Variants in ADAMTS17 observed in about 807,000 individuals in gnomAD.
The protein encoded by ADAMTS17 is A disintegrin and metalloproteinase with thrombospondin motifs 17.
In ADAMTS17, 113 loss-of-function variants were observed where a neutral mutation model predicts 141.5. The observed-to-expected ratio is 0.80, with a 90% confidence interval of 0.69 to 0.93. The LOEUF (loss-of-function observed/expected upper bound fraction) is 0.93, where lower values mean the gene tolerates loss of function less well. Among genes scored for constraint, ADAMTS17 ranks in the 40% least tolerant of loss-of-function variants. The pLI is 0.00. For missense variants in ADAMTS17, 1,659 were observed against 1,517.9 expected (o/e 1.09, Z -1.54); for synonymous variants, 768 against 630.6 (o/e 1.22, Z -3.27).
At chr15:100,093,580 G>A (rs1189287694) in intron 15 of ADAMTS17, among the ~76,000 whole-genome samples, 1 of 152,044 alleles carries the variant, frequency 6.6e-6, no homozygotes, top group African/African-American at 2.4e-5. Context: ...GGTCTCGCAA[G>A]GATATGTTTC....
At chr15:100,162,997 T>C (rs1184355046) in intron 8 of ADAMTS17, among the ~76,000 whole-genome samples, 1 of 143,252 alleles carries the variant, frequency 7.0e-6, no homozygotes, top group African/African-American at 2.7e-5. Flanking sequence ...TAACTATATA[T>C]GTATATATGT....
At chr15:99,975,974 C>A in intron 21 of ADAMTS17, 71 bp downstream of exon 21, 5 of 1,476,538 alleles carry the variant, frequency 3.4e-6, no homozygotes, top group Non-Finnish European at 4.5e-6. Flanking sequence ...AAGAACCTCA[C>A]CGTCAGGGAG....
At chr15:100,065,496 C>G (rs555395432) in intron 15 of ADAMTS17, among the ~76,000 whole-genome samples, 1 of 152,174 alleles carries the variant, frequency 6.6e-6, no homozygotes, top group East Asian at 1.9e-4. Context: ...TATGACAGTT[C>G]TGTTTCTTCC....
intron 18 of ADAMTS17, among the ~76,000 whole-genome samples, chr15:100,029,037 A>G (rs1382294758): frequency 6.6e-6 from 1 of 152,182 alleles, no homozygotes; most frequent in Non-Finnish European, 1.5e-5. Context: ...CTAAGGCTCC[A>G]AACTGTTTCC....
intron 20 of ADAMTS17, among the ~76,000 whole-genome samples, chr15:99,985,394 G>T (rs948041998): frequency 1.3e-5 from 2 of 152,200 alleles, no homozygotes; most frequent in Admixed American, 6.5e-5. Flanking sequence ...ATTTTTGATG[G>T]TCAAATATTC....
At chr15:100,262,206 C>T in intron 5 of ADAMTS17, 146 bp downstream of exon 5, 1 of 739,608 alleles carries the variant, frequency 1.4e-6, no homozygotes, top group Admixed American at 2.2e-5. Flanking sequence ...GGTACTGATG[C>T]CGGCTTTCCT....
At chr15:99,992,117 C>T (rs2060701721) in intron 20 of ADAMTS17, among the ~76,000 whole-genome samples, 1 of 152,066 alleles carries the variant, frequency 6.6e-6, no homozygotes, top group South Asian at 2.1e-4. Context: ...CGCAGCAAAC[C>T]ACCATGACAC....
chr15:100,188,009 A>G lies in ADAMTS17; in HGVS notation c.1181+11309T>C, dbSNP rs1470529628. ...TAAGGTGGGAGGGGCACTTGAGTCC[A>G]GGGGTTTGAGGCTGCAATGAGTTGC... On this transcript the variant is annotated intron_variant, in intron 8 of 21. Transcript: ENST00000268070. 2.6e-5 allele frequency among the ~76,000 whole-genome samples: 4 copies of G among 152,216 alleles called. No individual in the cohort carries two copies. In the East Asian group the frequency reaches 7.7e-4, roughly 29 times the overall value.
chr15:100,169,633 C>T (rs1231861413), intron 8 of ADAMTS17, among the ~76,000 whole-genome samples: 1 of 152,140 alleles, frequency 6.6e-6, no homozygotes, highest in Non-Finnish European at 1.5e-5. Context: ...TGCAATTGCC[C>T]CCACACTCAA....
At chr15:99,995,455 C>T (rs781475839) in intron 19 of ADAMTS17, among the ~76,000 whole-genome samples, 6 of 152,336 alleles carry the variant, frequency 3.9e-5, no homozygotes, top group East Asian at 1.9e-4. Context: ...CTGCTGAGGA[C>T]GGCTCCAGCT....
Position 100,252,266 on chromosome 15 carries a change from G to A in ADAMTS17, c.1075+1870C>T, listed in dbSNP as rs74037601. Among the ~76,000 whole-genome samples the A allele has an allele frequency of 6.1e-3, 933 of 152,274 alleles. 7 individuals carry two copies. Among genetic ancestry groups the A allele is most frequent in the African/African-American group, 0.021 (889 of 41,548 alleles). Reference sequence around the variant, plus strand: ...CATTGTTTTAATGAACACTGGCATTGGAGTCCCTTCACCTGCATTCATTCA... The same window carrying A: ...CATTGTTTTAATGAACACTGGCATTAGAGTCCCTTCACCTGCATTCATTCA... On this transcript the variant is annotated intron_variant, in intron 7 of 21. Coordinates refer to ENST00000268070, the MANE Select transcript of ADAMTS17 (RefSeq NM_139057.4).
At chr15:100,275,916 G>A (rs1037702438) in intron 4 of ADAMTS17, among the ~76,000 whole-genome samples, 1 of 144,844 alleles carries the variant, frequency 6.9e-6, no homozygotes, top group Non-Finnish European at 1.5e-5. Flanking sequence ...GTCTGCCCTG[G>A]GGACAGGGTA....
intron 9 of ADAMTS17, among the ~76,000 whole-genome samples, chr15:100,153,695 AAGG>A (rs1461163777): frequency 1.3e-5 from 2 of 152,230 alleles, no homozygotes; most frequent in East Asian, 3.9e-4. Flanking sequence ...TCTGGCTCTA[AAGG>A]AGGTTACTTA....
intron 8 of ADAMTS17, among the ~76,000 whole-genome samples, chr15:100,188,435 T>C (rs1029491719): frequency 2.0e-5 from 3 of 151,988 alleles, no homozygotes; most frequent in African/African-American, 7.2e-5. Context: ...ACCAGGTGCT[T>C]TGGGAATTTT....
chr15:100,129,201 C>T (rs993968591), intron 12 of ADAMTS17: 1 of 152,180 alleles, frequency 6.6e-6, no homozygotes, highest in Non-Finnish European at 1.5e-5. Flanking sequence ...ACCAGTCTTC[C>T]ACTAGGACCC....
At chr15:100,187,161 G>A (rs1215899381) in intron 8 of ADAMTS17, among the ~76,000 whole-genome samples, 1 of 152,184 alleles carries the variant, frequency 6.6e-6, no homozygotes, top group East Asian at 1.9e-4. Context: ...TGTGTAAGGT[G>A]AGACTTGCTG....
intron 8 of ADAMTS17, among the ~76,000 whole-genome samples, chr15:100,157,549 C>T (rs1379366219): frequency 6.6e-6 from 1 of 152,168 alleles, no homozygotes; most frequent in Admixed American, 6.5e-5. Context: ...CAACCTCAGA[C>T]CCTCCTGACT....
At chr15:100,182,888 C>G (rs2040574064) in intron 8 of ADAMTS17, among the ~76,000 whole-genome samples, 1 of 152,200 alleles carries the variant, frequency 6.6e-6, no homozygotes, top group South Asian at 2.1e-4. Context: ...CTTGAATCTG[C>G]AGGCATATGT....
intron 3 of ADAMTS17, 85 bp from the exon 4 acceptor site, chr15:100,281,486 C>A (rs563075168): frequency 1.3e-6 from 2 of 1,517,720 alleles, no homozygotes; most frequent in African/African-American, 1.4e-5. Context: ...GTCAAGCCTG[C>A]CCGAGAGAGT....
Sources: allele counts gnomAD v4.1 joint callset (sites outside exome capture counted in the v4.1 genomes callset), GRCh38; gene constraint gnomAD v4.1.1; transcripts MANE v1.5; gene names NCBI Gene and HGNC (gene_info 2026-07-23, HGNC 2026-07-21).